The following BLTP1 variants were observed in gnomAD, a reference collection of about 807,000 sequenced individuals.
BLTP1 encodes bridge-like lipid transfer protein family member 1.
the BLTP1 span, chr4:122,267,644 T>C: frequency 3.8e-4 from 370 of 976,168 alleles, 2 homozygotes; most frequent in African/African-American, 6.0e-3. Flanking sequence ...AGAAGTCATA[T>C]TGAGAGTCTA....
the BLTP1 span, among the ~76,000 whole-genome samples, chr4:122,358,073 T>C: frequency 6.6e-6 from 1 of 152,198 alleles, no homozygotes. Flanking sequence ...CAATCTTGTA[T>C]ATTATATATA....
At chr4:122,264,793 A>G in the BLTP1 span, among the ~76,000 whole-genome samples, 4 of 152,334 alleles carry the variant, frequency 2.6e-5, no homozygotes, top group East Asian at 7.7e-4. Flanking sequence ...GGAATAAAGT[A>G]AAAAACTATA....
At chr4:122,281,751 G>A in the BLTP1 span, 3 of 1,565,102 alleles carry the variant, frequency 1.9e-6, no homozygotes, top group African/African-American at 1.4e-5. Context: ...AAGATGGGAA[G>A]AATGAGAAGT....
the BLTP1 span, among the ~76,000 whole-genome samples, chr4:122,296,523 C>T: frequency 1.3e-5 from 2 of 152,146 alleles, no homozygotes; most frequent in East Asian, 3.8e-4. Context: ...ATGTTATTCC[C>T]ATTAAACTAC....
the BLTP1 span, chr4:122,184,797 C>T: frequency 1.1e-5 from 11 of 985,226 alleles, no homozygotes; most frequent in Non-Finnish European, 1.3e-5. Flanking sequence ...ATGCCCATTT[C>T]ATACTCTCTC....
chr4:122,247,095 A>C, the BLTP1 span: 1 of 1,513,726 alleles, frequency 6.6e-7, no homozygotes, highest in African/African-American at 1.4e-5. Flanking sequence ...CTTTTAGGTA[A>C]ATGTTTTCTC....
chr4:122,349,012 C>A, the BLTP1 span: 1 of 672,244 alleles, frequency 1.5e-6, no homozygotes, highest in Non-Finnish European at 2.3e-6. The surrounding 1 kb of genome is among the most constrained non-coding windows in gnomAD (Gnocchi z 4.5). Flanking sequence ...CAAATATTTA[C>A]CACACAGTTT....
the BLTP1 span, chr4:122,280,289 A>C: frequency 5.4e-6 from 3 of 555,126 alleles, no homozygotes; most frequent in Non-Finnish European, 6.9e-6. Context: ...TTCCAGGACC[A>C]TGTCAATCCT....
At chr4:122,167,168 C>T in the BLTP1 span, among the ~76,000 whole-genome samples, 2 of 152,158 alleles carry the variant, frequency 1.3e-5, no homozygotes, top group African/African-American at 4.8e-5. Flanking sequence ...ATATACGGTA[C>T]ATAAATACAT....
chr4:122,220,172 C>T, the BLTP1 span: 2 of 316,304 alleles, frequency 6.3e-6, no homozygotes, highest in Non-Finnish European at 9.2e-6. Flanking sequence ...AGCTAACGAT[C>T]CTACTGAGGT....
At chr4:122,235,483 C>A in the BLTP1 span, 14 of 980,996 alleles carry the variant, frequency 1.4e-5, no homozygotes, top group Non-Finnish European at 1.6e-5. Flanking sequence ...TTAAACATGT[C>A]AAGAAAAGAA....
the BLTP1 span, chr4:122,292,601 C>T: frequency 7.5e-6 from 7 of 931,684 alleles, no homozygotes; most frequent in East Asian, 3.5e-4. Context: ...ATGAAGATTT[C>T]GCTCTACTTA....
the BLTP1 span, chr4:122,347,883 G>C: frequency 1.3e-6 from 1 of 742,370 alleles, no homozygotes; most frequent in Admixed American, 2.7e-5. Context: ...AAATTCTTGA[G>C]GTTTTTATGA....
At chr4:122,237,636 TG>T in the BLTP1 span, 2 of 769,382 alleles carry the variant, frequency 2.6e-6, no homozygotes, top group Non-Finnish European at 3.2e-6. Context: ...TCACTGTTTA[TG>T]GGCCTGGGAT....
the BLTP1 span, chr4:122,360,026 A>T: frequency 1.0e-6 from 1 of 985,228 alleles, no homozygotes. Context: ...TCTCACCAAG[A>T]TGTTATTTTC....
the BLTP1 span, chr4:122,255,007 A>G: frequency 6.6e-7 from 1 of 1,508,520 alleles, no homozygotes; most frequent in Admixed American, 1.9e-5. Flanking sequence ...ATTGAAAATG[A>G]CCCCTTATTG....
chr4:122,339,389 T>C, the BLTP1 span: 21 of 1,611,788 alleles, frequency 1.3e-5, no homozygotes, highest in Admixed American at 3.3e-5. Context: ...AGACTTCTGC[T>C]AGCAAAACTG....
At chr4:122,298,231 G>A in the BLTP1 span, 3 of 940,626 alleles carry the variant, frequency 3.2e-6, no homozygotes, top group Non-Finnish European at 3.8e-6. Flanking sequence ...TCAGAATCAT[G>A]TAGTTTTTAT....
the BLTP1 span, chr4:122,201,941 C>T: frequency 1.2e-6 from 1 of 850,420 alleles, no homozygotes; most frequent in Non-Finnish European, 1.4e-6. Flanking sequence ...GTAGGTAGTC[C>T]TCTCCTGACA....
Sources: gnomAD v4.1 joint callset for allele counts (sites outside exome capture counted in the v4.1 genomes callset) on GRCh38, gnomAD v4.1.1 for gene constraint, Gnocchi (gnomAD v3.1) non-coding constraint, MANE v1.5 for transcripts, NCBI Gene and HGNC (gene_info 2026-07-23, HGNC 2026-07-21) for gene names.